The following PLXNA4 variants were observed in gnomAD, a reference collection of about 807,000 sequenced individuals.
PLXNA4 encodes plexin A4.
Under a neutral mutation model 191.8 loss-of-function variants are expected in PLXNA4, and 44 were observed. The ratio of observed to expected loss-of-function variants is 0.23; its 90% CI spans 0.18 to 0.29. The LOEUF (loss-of-function observed/expected upper bound fraction) is 0.29. Ranked by LOEUF, PLXNA4 falls within the 10% of genes least tolerant of loss-of-function variation. The pLI is 1.00. For synonymous variants in PLXNA4, 1,082 were observed against 1,009.5 expected (o/e 1.07, Z -1.36); for missense variants, 1,800 against 2,488.8 (o/e 0.72, Z 5.89).
chr7:132,378,437 A>C (rs1358132798), intron 3 of PLXNA4, among the ~76,000 whole-genome samples: 1 of 152,202 alleles, frequency 6.6e-6, no homozygotes, highest in African/African-American at 2.4e-5. Context: ...ACTAGGCAAC[A>C]ATCCCTAGAG....
chr7:132,315,004 G>A (rs116812710), intron 3 of PLXNA4, among the ~76,000 whole-genome samples: 1,591 of 152,302 alleles, frequency 0.01, 44 homozygotes, highest in African/African-American at 0.037. Flanking sequence ...AAAGTGTCAG[G>A]TTATTAAGGA....
intron 15 of PLXNA4, among the ~76,000 whole-genome samples, 179 bp downstream of exon 15, chr7:132,187,290 CTT>C (rs1391842006): frequency 6.6e-6 from 1 of 152,166 alleles, no homozygotes; most frequent in Non-Finnish European, 1.5e-5. Context: ...TGATTAAATT[CTT>C]TCTCTATTGC....
intron 14 of PLXNA4, among the ~76,000 whole-genome samples, chr7:132,189,698 G>A (rs929362715): frequency 6.6e-6 from 1 of 152,158 alleles, no homozygotes; most frequent in Non-Finnish European, 1.5e-5. Flanking sequence ...CTGCCTGGTA[G>A]ATGAGAAGGC....
intron 4 of PLXNA4, among the ~76,000 whole-genome samples, chr7:132,242,684 C>T (rs774251023): frequency 2.2e-4 from 33 of 152,144 alleles, no homozygotes; most frequent in Non-Finnish European, 4.7e-4. Context: ...ACCTTGGTGG[C>T]CCTTCCTCCA....
At chr7:132,518,494 G>C (rs1799032836) in intron 1 of PLXNA4, among the ~76,000 whole-genome samples, 1 of 152,116 alleles carries the variant, frequency 6.6e-6, no homozygotes, top group Non-Finnish European at 1.5e-5. Context: ...TCTGAGAGAT[G>C]GGAACTGTGA....
intron 4 of PLXNA4, among the ~76,000 whole-genome samples, chr7:132,267,673 C>T (rs1002465142): frequency 6.6e-6 from 1 of 152,196 alleles, no homozygotes; most frequent in Non-Finnish European, 1.5e-5. Flanking sequence ...TATGGAATCT[C>T]AGCTCTTCAA....
chr7:132,312,686 C>T (rs891059452), intron 3 of PLXNA4, among the ~76,000 whole-genome samples: 2 of 152,166 alleles, frequency 1.3e-5, no homozygotes, highest in African/African-American at 4.8e-5. Flanking sequence ...CGCAGCTCTG[C>T]CAGGACCTAG....
intron 3 of PLXNA4, among the ~76,000 whole-genome samples, chr7:132,306,593 T>G (rs1272758350): frequency 6.6e-6 from 1 of 152,186 alleles, no homozygotes; most frequent in Non-Finnish European, 1.5e-5. Flanking sequence ...CACTGTCACT[T>G]GGCACCTGAA....
At chr7:132,591,736 A>G (rs1389422633) in intron 2 of PLXNA4, among the ~76,000 whole-genome samples, 1 of 152,172 alleles carries the variant, frequency 6.6e-6, no homozygotes. Context: ...GGCTGTCTCC[A>G]TCTCCCTTTC....
At chr7:132,142,413 G>A (rs1238239454) in intron 29 of PLXNA4, among the ~76,000 whole-genome samples, 1 of 152,144 alleles carries the variant, frequency 6.6e-6, no homozygotes, top group Non-Finnish European at 1.5e-5. Flanking sequence ...TGGCTTGCTC[G>A]TTAGAACTTA....
chr7:132,560,658 T>C (rs1024107196), intron 1 of PLXNA4, among the ~76,000 whole-genome samples: 1 of 152,024 alleles, frequency 6.6e-6, no homozygotes, highest in African/African-American at 2.4e-5. Flanking sequence ...ATTCACCTTG[T>C]TCAGAAAAGA....
chr7:132,544,049 A>C (rs1382466373), intron 1 of PLXNA4, among the ~76,000 whole-genome samples: 2 of 152,260 alleles, frequency 1.3e-5, no homozygotes, highest in Non-Finnish European at 2.9e-5. Context: ...GGAGAAAAGT[A>C]AAATGATATG....
rs1794777546 is a variant in PLXNA4 at position 132,126,697 on chromosome 7, A to ACTT, written c.*3779_*3781dup. 6.6e-6 allele frequency: 1 copy of ACTT among 151,884 alleles called. No individual in the cohort carries two copies. Among genetic ancestry groups the ACTT allele is most frequent in the Non-Finnish European group, 1.5e-5 (1 of 67,882 alleles). The allele number at this position is 151,884 out of a possible 1,614,324, so 9.4% of individuals were successfully genotyped here. A position where few individuals can be genotyped will look rare whatever the true frequency, so the allele number is the denominator to read the frequency against. On this transcript the variant is annotated 3_prime_UTR_variant, in exon 32 of 32. Coordinates refer to ENST00000321063, the MANE Select transcript of PLXNA4 (RefSeq NM_020911.2). ...CAAACTTTGGGATTTATTTAAAATA[A>ACTT]CTTCTCTTTCACTTGTAGCTCCTCA... is the stretch of plus-strand genomic sequence containing the variant.
At chr7:132,617,220 T>C (rs1201794502) in intron 2 of PLXNA4, among the ~76,000 whole-genome samples, 1 of 152,164 alleles carries the variant, frequency 6.6e-6, no homozygotes, top group Admixed American at 6.5e-5. Flanking sequence ...GCTGTCATGC[T>C]GAGAGGGTGC....
chr7:132,628,995 G>T (rs4431540), intron 2 of PLXNA4, among the ~76,000 whole-genome samples: 6,181 of 152,212 alleles, frequency 0.041, 424 homozygotes, highest in African/African-American at 0.14. Context: ...CAAGAGTGAG[G>T]CACTCAAATG....
At chr7:132,168,661 CCCT>C in intron 21 of PLXNA4, 89 bp from the exon 22 acceptor site, 1 of 1,459,566 alleles carries the variant, frequency 6.9e-7, no homozygotes, top group Non-Finnish European at 9.0e-7. Context: ...ATATCCATGA[CCCT>C]CTCATCCACC....
chr7:132,319,479 C>T (rs1161694285), intron 3 of PLXNA4, among the ~76,000 whole-genome samples: 4 of 152,086 alleles, frequency 2.6e-5, no homozygotes, highest in African/African-American at 9.7e-5. Flanking sequence ...TAGGTCTGTT[C>T]TCAGGGTTCC....
intron 2 of PLXNA4, among the ~76,000 whole-genome samples, chr7:132,622,460 G>A (rs1463063454): frequency 6.6e-6 from 1 of 151,854 alleles, no homozygotes; most frequent in East Asian, 1.9e-4. Flanking sequence ...AAATAATCAG[G>A]GAGTCATCCT....
chr7:132,446,668 A>C (rs184543176), intron 3 of PLXNA4, among the ~76,000 whole-genome samples: 1 of 152,246 alleles, frequency 6.6e-6, no homozygotes, highest in Non-Finnish European at 1.5e-5. Context: ...TCAAGCATCA[A>C]CTATCCAGGT....
Sources: gnomAD v4.1 joint callset for allele counts (sites outside exome capture counted in the v4.1 genomes callset) on GRCh38, gnomAD v4.1.1 for gene constraint, MANE v1.5 for transcripts, NCBI Gene and HGNC (gene_info 2026-07-23, HGNC 2026-07-21) for gene names.